HERC4: variants seen among roughly 807,000 people sequenced by gnomAD.
The protein encoded by HERC4 is probable E3 ubiquitin-protein ligase HERC4.
In HERC4, 28 loss-of-function variants were observed where a neutral mutation model predicts 124.3. That is an observed-to-expected ratio of 0.23 (90% CI 0.17 to 0.31). The LOEUF is 0.31. Among genes scored for constraint, HERC4 ranks in the 10% least tolerant of loss-of-function variants. The probability of loss-of-function intolerance (pLI) is 1.00; values close to 1 mark genes in which losing one functional copy is unlikely to be tolerated. For synonymous variants in HERC4, 407 were observed against 421.5 expected, an observed-to-expected ratio of 0.97 and a Z score of 0.42; for missense variants, 713 against 1,229.3, an observed-to-expected ratio of 0.58 and a Z score of 6.28.
intron 3 of HERC4, among the ~76,000 whole-genome samples, chr10:68,058,616 G>A (rs963139748): frequency 6.6e-6 from 1 of 151,972 alleles, no homozygotes; most frequent in African/African-American, 2.4e-5. Flanking sequence ...TGAGACGAGA[G>A]TTTCACTCTG....
intron 3 of HERC4, among the ~76,000 whole-genome samples, chr10:68,049,590 CAAA>C (rs766514516): frequency 1.2e-4 from 5 of 42,622 alleles, no homozygotes; most frequent in Admixed American, 3.6e-4. Flanking sequence ...GACACTGCCA[CAAA>C]AAAAAAAAAA....
intron 9 of HERC4, chr10:67,993,677 C>A (rs1356021426): frequency 6.6e-6 from 1 of 151,776 alleles, no homozygotes; most frequent in Non-Finnish European, 1.5e-5. Flanking sequence ...CAGTAAAAGC[C>A]AAATTAGGCC....
intron 8 of HERC4, among the ~76,000 whole-genome samples, chr10:68,014,970 C>T (rs2038174335): frequency 1.3e-5 from 2 of 152,196 alleles, no homozygotes; most frequent in South Asian, 4.1e-4. Flanking sequence ...CCATTTGTGG[C>T]ATATTGTTTA....
At chr10:68,010,855 C>G in intron 9 of HERC4, 1 of 1,530,138 alleles carries the variant, frequency 6.5e-7, no homozygotes, top group South Asian at 1.1e-5. Flanking sequence ...GTTCTTTCTG[C>G]AGAGCTTTGA....
At chr10:67,946,143 C>T (rs1017817248) in intron 19 of HERC4, among the ~76,000 whole-genome samples, 1 of 151,502 alleles carries the variant, frequency 6.6e-6, no homozygotes, top group African/African-American at 2.4e-5. Flanking sequence ...GTCCTAGCTG[C>T]TTGGTGGCTG....
chr10:67,940,196 G>T (rs2032757874), intron 20 of HERC4, among the ~76,000 whole-genome samples: 1 of 152,046 alleles, frequency 6.6e-6, no homozygotes, highest in Admixed American at 6.6e-5. Flanking sequence ...AAAGTGCTAG[G>T]ATTACAGGCG....
intron 19 of HERC4, 173 bp downstream of exon 19, chr10:67,954,422 T>G: frequency 2.3e-6 from 1 of 431,664 alleles, no homozygotes; most frequent in South Asian, 9.0e-5. Flanking sequence ...AAGCATCAAA[T>G]GTATTTTGAC....
chr10:67,981,532 T>G (rs75065688), intron 15 of HERC4, among the ~76,000 whole-genome samples: 4,548 of 152,284 alleles, frequency 0.03, 234 homozygotes, highest in African/African-American at 0.1. Flanking sequence ...ATAGACCAAA[T>G]GGACCAAACA....
chr10:67,975,766 CA>C (rs1365511013), intron 15 of HERC4, among the ~76,000 whole-genome samples: 2 of 152,194 alleles, frequency 1.3e-5, no homozygotes, highest in Non-Finnish European at 2.9e-5. Context: ...CTTTTATTTT[CA>C]CAGTTGATAC....
intron 15 of HERC4, among the ~76,000 whole-genome samples, chr10:67,974,115 CACACAT>C (rs200108384): frequency 0.05 from 4,645 of 93,160 alleles, 242 homozygotes; most frequent in East Asian, 0.11. Context: ...CACACACACA[CACACAT>C]ACACACAGGG....
chr10:68,054,870 TAAAAC>T (rs2040475672), intron 3 of HERC4, among the ~76,000 whole-genome samples: 1 of 152,178 alleles, frequency 6.6e-6, no homozygotes, highest in African/African-American at 2.4e-5. Flanking sequence ...ATTGTTTAAA[TAAAAC>T]AAAGTGCAAC....
At chr10:68,000,113 C>T (rs2037138200) in intron 9 of HERC4, among the ~76,000 whole-genome samples, 1 of 152,120 alleles carries the variant, frequency 6.6e-6, no homozygotes, top group African/African-American at 2.4e-5. Flanking sequence ...CCGCCTCAAC[C>T]TCTCAAAGTG....
intron 5 of HERC4, among the ~76,000 whole-genome samples, chr10:68,035,689 A>C (rs1349758260): frequency 1.3e-5 from 2 of 152,160 alleles, no homozygotes; most frequent in Non-Finnish European, 2.9e-5. Flanking sequence ...TTCTCATATC[A>C]GTCACTCACT....
intron 9 of HERC4, among the ~76,000 whole-genome samples, chr10:68,007,161 TTTTTC>T (rs2037623460): frequency 6.6e-6 from 1 of 152,110 alleles, no homozygotes; most frequent in Non-Finnish European, 1.5e-5. Context: ...ATTTCACTCT[TTTTTC>T]TTTTGTCAAC....
intron 23 of HERC4, 89 bp downstream of exon 23, chr10:67,932,508 G>T: frequency 9.0e-7 from 1 of 1,109,880 alleles, no homozygotes; most frequent in Non-Finnish European, 1.3e-6. Context: ...GTAATAAAGT[G>T]TATAAAATAA....
intron 8 of HERC4, among the ~76,000 whole-genome samples, chr10:68,014,552 G>T (rs938669985): frequency 2.0e-5 from 3 of 152,160 alleles, no homozygotes; most frequent in African/African-American, 7.2e-5. Context: ...CAGAGCTGTG[G>T]TCTATGAAAG....
chr10:67,948,392 T>C (rs7922547), intron 19 of HERC4, among the ~76,000 whole-genome samples: 13,666 of 151,328 alleles, frequency 0.09, 1,650 homozygotes, highest in African/African-American at 0.28. Context: ...AAAGTAGATA[T>C]ACAAATGGCA....
chr10:67,973,747 GT>G (rs1374917786), intron 15 of HERC4, among the ~76,000 whole-genome samples: 2 of 152,088 alleles, frequency 1.3e-5, no homozygotes, highest in African/African-American at 2.4e-5. Context: ...CTGGGTAAGA[GT>G]AATTTTAAAA....
intron 15 of HERC4, among the ~76,000 whole-genome samples, chr10:67,985,553 C>T (rs928647956): frequency 1.3e-5 from 2 of 152,166 alleles, no homozygotes; most frequent in African/African-American, 2.4e-5. Flanking sequence ...AAGGGTTCTA[C>T]ATAAAATAGT....
Sources: allele counts gnomAD v4.1 joint callset (sites outside exome capture counted in the v4.1 genomes callset), GRCh38; gene constraint gnomAD v4.1.1; transcripts MANE v1.5; gene names NCBI Gene and HGNC (gene_info 2026-07-23, HGNC 2026-07-21).